The following TMEM52B variants were observed in gnomAD, a reference collection of about 807,000 sequenced individuals.
TMEM52B encodes transmembrane protein 52B.
A neutral mutation model predicts 16.1 loss-of-function variants in TMEM52B; 11 were observed. The observed-to-expected ratio is 0.68, with a 90% CI of 0.43 to 1.13. The LOEUF is 1.13. Among genes scored for constraint, TMEM52B ranks in the 50% most tolerant of loss-of-function variants. TMEM52B has a pLI of 0.00. For missense variants in TMEM52B, 243 were observed against 230.4 expected, an observed-to-expected ratio of 1.05 and a Z score of -0.35; for synonymous variants, 101 against 93.8, an observed-to-expected ratio of 1.08 and a Z score of -0.45.
chr12:10,186,714 T>G, intron 4 of TMEM52B, 125 bp downstream of exon 4: 3 of 1,014,840 alleles, frequency 3.0e-6, no homozygotes, highest in Non-Finnish European at 2.6e-6. Context: ...ATAATTTCCA[T>G]TCCCAGAAGC....
At chr12:10,185,854 C>A (rs2537749) in intron 3 of TMEM52B, among the ~76,000 whole-genome samples, 30,980 of 151,962 alleles carry the variant, frequency 0.2, 3,169 homozygotes, top group South Asian at 0.28. Flanking sequence ...CCAGCCTGAC[C>A]AACCTGGAGA....
chr12:10,189,125 C>G (rs1354815937), intron 4 of TMEM52B, among the ~76,000 whole-genome samples: 1 of 145,264 alleles, frequency 6.9e-6, no homozygotes, highest in Non-Finnish European at 1.5e-5. Flanking sequence ...ATTGTTTGAA[C>G]CTGGGAGGTG....
At chr12:10,185,633 G>A (rs375737050) in intron 3 of TMEM52B, among the ~76,000 whole-genome samples, 15 of 152,314 alleles carry the variant, frequency 9.8e-5, no homozygotes, top group Admixed American at 1.3e-4. Context: ...CTGGCCGGGC[G>A]TGGTGGCTCA....
exon 1 of TMEM52B, chr12:10,170,731 T>G (rs1948707914): frequency 6.6e-6 from 1 of 152,320 alleles, no homozygotes; most frequent in African/African-American, 2.4e-5. Context: ...TCCGCCCACC[T>G]CAGCCTCCCA....
At chr12:10,175,725 A>G (rs143081612), upstream of TMEM52B, among the ~76,000 whole-genome samples, 2,549 of 152,352 alleles carry the variant, frequency 0.017, 81 homozygotes, top group African/African-American at 0.058. Flanking sequence ...GGTTGCAAAG[A>G]TGAAACTTCT....
intron 4 of TMEM52B, among the ~76,000 whole-genome samples, chr12:10,189,201 T>TA (rs34922857): frequency 8.2e-4 from 80 of 97,194 alleles, no homozygotes; most frequent in East Asian, 2.4e-3. Context: ...AGACACTGTC[T>TA]AAAAAAAAAA....
chr12:10,188,507 AGG>A, intron 4 of TMEM52B, among the ~76,000 whole-genome samples: 1 of 111,288 alleles, frequency 9.0e-6, no homozygotes, highest in East Asian at 3.1e-4. Flanking sequence ...GAAGGAAGGA[AGG>A]AAGGAAGGAA....
Position 10,186,966 on chromosome 12 carries a change from A to T in TMEM52B, c.307+377A>T, listed in dbSNP as rs544573963. On this transcript the variant is annotated intron_variant, in intron 4 of 4. Transcript: ENST00000543484. ...ATTATCTATACTATTTTATATTTTTAAAGAAATTAATGACATGTACTTTCA... is the reference window on the plus strand; with the variant it reads ...ATTATCTATACTATTTTATATTTTTTAAGAAATTAATGACATGTACTTTCA... 1.2e-4 allele frequency among the ~76,000 whole-genome samples: 18 copies of T among 152,282 alleles called. No homozygotes were observed. In the South Asian group the frequency reaches 3.7e-3, roughly 32 times the overall value.
intron 2 of TMEM52B, among the ~76,000 whole-genome samples, chr12:10,184,438 C>T (rs945531466): frequency 2.0e-5 from 3 of 152,034 alleles, no homozygotes; most frequent in Admixed American, 1.3e-4. Flanking sequence ...TCTGGGGAGC[C>T]GTCTAGGGGA....
upstream of TMEM52B, among the ~76,000 whole-genome samples, chr12:10,174,091 A>G (rs2742108): frequency 0.43 from 65,442 of 151,620 alleles, 15,760 homozygotes; most frequent in African/African-American, 0.65. Flanking sequence ...ATGGAGTTTC[A>G]CCCTTGTTAC....
chr12:10,182,457 C>A, intron 1 of TMEM52B, 93 bp from the exon 2 acceptor site: 1 of 1,485,444 alleles, frequency 6.7e-7, no homozygotes. Flanking sequence ...ACTGCTTGAT[C>A]TAACACAGCA....
chr12:10,175,314 G>A (rs894594855), upstream of TMEM52B: 3 of 152,112 alleles, frequency 2.0e-5, no homozygotes, highest in African/African-American at 7.2e-5. Flanking sequence ...GGATCCTGCA[G>A]CCATAGAGAA....
intron 1 of TMEM52B, among the ~76,000 whole-genome samples, chr12:10,173,236 A>T (rs984979348): frequency 1.3e-5 from 2 of 152,172 alleles, no homozygotes; most frequent in African/African-American, 4.8e-5. Flanking sequence ...TCTATTAGAG[A>T]TGTCTTCTGA....
At chr12:10,186,371 G>T (rs1948878864) in intron 3 of TMEM52B, 49 bp from the exon 4 acceptor site, 1 of 1,522,654 alleles carries the variant, frequency 6.6e-7, no homozygotes, top group Admixed American at 1.9e-5. Flanking sequence ...GCAGAGCTGG[G>T]AAAAAAGCCA....
intron 1 of TMEM52B, chr12:10,171,910 G>T: frequency 1.1e-6 from 1 of 902,494 alleles, no homozygotes; most frequent in Non-Finnish European, 1.8e-6. Context: ...ATACTTGGGT[G>T]TTTAGCTTTC....
intron 4 of TMEM52B, among the ~76,000 whole-genome samples, chr12:10,187,258 T>G (rs1401603525): frequency 2.6e-5 from 4 of 151,380 alleles, no homozygotes; most frequent in Non-Finnish European, 5.9e-5. Flanking sequence ...ACCTGCACCA[T>G]GCCTGGCTAA....
chr12:10,175,742 A>G (rs551674533), upstream of TMEM52B, among the ~76,000 whole-genome samples: 13 of 152,312 alleles, frequency 8.5e-5, no homozygotes, highest in South Asian at 2.7e-3. Flanking sequence ...TTCTTCTGCT[A>G]TATTATTTAT....
upstream of TMEM52B, among the ~76,000 whole-genome samples, chr12:10,177,900 T>C (rs946752781): frequency 2.0e-5 from 3 of 151,664 alleles, no homozygotes; most frequent in Non-Finnish European, 4.4e-5. Context: ...TTTCTTTTAA[T>C]ATTTTGCTTT....
intron 1 of TMEM52B, 78 bp from the exon 2 acceptor site, chr12:10,182,472 C>CATGAGAG (rs1371756896): frequency 1.3e-6 from 2 of 1,506,674 alleles, no homozygotes; most frequent in Non-Finnish European, 1.8e-6. Flanking sequence ...ACAGCACAAC[C>CATGAGAG]ATGAGAGATG....
Sources: allele counts gnomAD v4.1 joint callset (sites outside exome capture counted in the v4.1 genomes callset), GRCh38; gene constraint gnomAD v4.1.1; transcripts MANE v1.5; gene names NCBI Gene and HGNC (gene_info 2026-07-23, HGNC 2026-07-21).